The following FCRL2 variants were observed in gnomAD, a reference collection of about 807,000 sequenced individuals.
FCRL2 encodes the protein Fc receptor-like protein 2.
FCRL2 carries 48 observed loss-of-function variants against 59.8 expected under a neutral mutation model. The ratio of observed to expected loss-of-function variants is 0.80; its 90% CI spans 0.64 to 1.02. The LOEUF is 1.02. FCRL2 is among the 50% of genes least tolerant of loss of function. The pLI, the probability that FCRL2 is intolerant of heterozygous loss-of-function variation, is 0.00. For synonymous variants in FCRL2, 251 were observed against 229.5 expected, an observed-to-expected ratio of 1.09 and a Z score of -0.85; for missense variants, 658 against 597.3, an observed-to-expected ratio of 1.10 and a Z score of -1.06.
intron 7 of FCRL2, among the ~76,000 whole-genome samples, chr1:157,751,557 C>G (rs936770356): frequency 3.9e-5 from 6 of 152,200 alleles, no homozygotes; most frequent in African/African-American, 1.4e-4. Flanking sequence ...ATACGGTCAT[C>G]TGCCTGAGGC....
chr1:157,746,906 A>G lies in FCRL2; in HGVS notation c.1460-7T>C. 6.2e-7 allele frequency: 1 copy of G among 1,612,996 alleles called. No individual in the cohort carries two copies. Among genetic ancestry groups the G allele is most frequent in the Non-Finnish European group, 8.5e-7 (1 of 1,179,990 alleles). Reference sequence around the variant, plus strand: ...AGAAGTGTCCTGATGTTTGCTGTTAAGGAAAAAGTAATAGTTCTGAGCTCT... The same window carrying G: ...AGAAGTGTCCTGATGTTTGCTGTTAGGGAAAAAGTAATAGTTCTGAGCTCT... On this transcript the variant is annotated splice_region_variant and splice_polypyrimidine_tract_variant and intron_variant, in intron 10 of 11. Coordinates refer to ENST00000361516, the MANE Select transcript of FCRL2 (RefSeq NM_030764.4).
intron 7 of FCRL2, among the ~76,000 whole-genome samples, chr1:157,752,232 G>A (rs989915450): frequency 2.6e-5 from 4 of 152,210 alleles, no homozygotes; most frequent in African/African-American, 9.7e-5. Context: ...GTACCCAGTG[G>A]GAGGTAACTG....
chr1:157,775,125 T>C (rs764215803), intron 2 of FCRL2, among the ~76,000 whole-genome samples: 4 of 152,214 alleles, frequency 2.6e-5, no homozygotes, highest in Non-Finnish European at 5.9e-5. Flanking sequence ...TGGCAAATTA[T>C]GGCCTGTGAG....
chr1:157,747,696 A>G (rs1647855417), intron 10 of FCRL2, among the ~76,000 whole-genome samples: 1 of 152,202 alleles, frequency 6.6e-6, no homozygotes, highest in Non-Finnish European at 1.5e-5. Context: ...TGTTGATATA[A>G]GCATTGTAGT....
chr1:157,755,734 A>G (rs1358439148), intron 7 of FCRL2, among the ~76,000 whole-genome samples: 3 of 152,252 alleles, frequency 2.0e-5, no homozygotes, highest in Non-Finnish European at 4.4e-5. Context: ...CAGTTCTCAA[A>G]TAATATTCAT....
At chr1:157,774,087 G>C (rs1650229623) in intron 2 of FCRL2, among the ~76,000 whole-genome samples, 1 of 152,212 alleles carries the variant, frequency 6.6e-6, no homozygotes, top group African/African-American at 2.4e-5. Context: ...CTTTACCAGA[G>C]CAACAGCAAA....
intron 7 of FCRL2, among the ~76,000 whole-genome samples, chr1:157,758,397 TA>T (rs762443573): frequency 4.0e-5 from 6 of 151,588 alleles, no homozygotes; most frequent in Non-Finnish European, 7.4e-5. Flanking sequence ...AGGGAAAAAA[TA>T]CCTAGGAATA....
At chr1:157,757,850 T>C (rs1648720199) in intron 7 of FCRL2, among the ~76,000 whole-genome samples, 1 of 152,142 alleles carries the variant, frequency 6.6e-6, no homozygotes, top group Non-Finnish European at 1.5e-5. Context: ...CAGTCCCAGC[T>C]ACTGGGGAGG....
intron 4 of FCRL2, chr1:157,768,995 T>C (rs796646558): frequency 8.1e-5 from 24 of 297,986 alleles, no homozygotes; most frequent in African/African-American, 4.9e-4. Context: ...CAAAGACACC[T>C]TTTGCACAGA....
At chr1:157,751,079 A>G (rs1317864732) in intron 7 of FCRL2, among the ~76,000 whole-genome samples, 1 of 152,198 alleles carries the variant, frequency 6.6e-6, no homozygotes, top group African/African-American at 2.4e-5. Context: ...ATATATAAGA[A>G]AAAAAGGAAG....
At chr1:157,757,742 C>T (rs887900169) in intron 7 of FCRL2, among the ~76,000 whole-genome samples, 3 of 152,188 alleles carry the variant, frequency 2.0e-5, no homozygotes, top group African/African-American at 7.2e-5. Flanking sequence ...GCAGGTGAAT[C>T]ACGAGGTCAG....
Position 157,769,938 on chromosome 1 carries a change from A to G in FCRL2, c.523T>C (p.Tyr175His), listed in dbSNP as rs779281998. The G allele has an allele frequency of 3.2e-5, 52 of 1,613,936 alleles. No homozygotes were observed. Among genetic ancestry groups the G allele is most frequent in the Admixed American group, 1.0e-4 (6 of 59,992 alleles). ...SAVWSEDTGSYWCKAETVTHR... is the reference protein window; with the variant it reads ...SAVWSEDTGSHWCKAETVTHR... ...GTCACCGTTTCTGCCTTGCACCAGTAAGACCCTGTGTCTTCACTCCACACG... is the reference window on the plus strand; with the variant it reads ...GTCACCGTTTCTGCCTTGCACCAGTGAGACCCTGTGTCTTCACTCCACACG... Residue 175 changes from tyrosine (Y) to histidine (H), a missense_variant, in exon 4 of 12, where the codon TAC becomes CAC. Coordinates refer to ENST00000361516, the MANE Select transcript of FCRL2 (RefSeq NM_030764.4).
chr1:157,777,067 G>A lies in FCRL2; in HGVS notation c.7C>T (p.Leu3=). 2 of 1,614,126 alleles carry A rather than the reference G, an allele frequency of 1.2e-6. No individual in the cohort carries two copies. Among genetic ancestry groups the A allele is most frequent in the African/African-American group, 1.3e-5 (1 of 75,046 alleles). ...CCAAAGATGACCAGCAATGACCACA[G>A]CAGCATGAGGACCTAATCCAGCTAT... The part of the protein sequence containing the change: ML[L]WSLLVIFDAV... Residue 3 remains leucine (L), a synonymous_variant, in exon 1 of 12, where the codon CTG becomes TTG. Coordinates refer to ENST00000361516, the MANE Select transcript of FCRL2 (RefSeq NM_030764.4).
intron 7 of FCRL2, among the ~76,000 whole-genome samples, chr1:157,754,662 T>C (rs982816636): frequency 6.6e-6 from 1 of 151,894 alleles, no homozygotes; most frequent in Non-Finnish European, 1.5e-5. Flanking sequence ...TATAAAGTGA[T>C]ACAATTCTAG....
chr1:157,755,201 G>A (rs978809386), intron 7 of FCRL2, among the ~76,000 whole-genome samples: 5 of 152,072 alleles, frequency 3.3e-5, no homozygotes, highest in African/African-American at 1.2e-4. Context: ...AATACATTTA[G>A]TATAAACAGA....
intron 7 of FCRL2, among the ~76,000 whole-genome samples, chr1:157,752,793 T>C (rs1648302229): frequency 6.6e-6 from 1 of 152,118 alleles, no homozygotes; most frequent in South Asian, 2.1e-4. Context: ...GTAGACACAC[T>C]CTTGGATAGA....
intron 8 of FCRL2, among the ~76,000 whole-genome samples, 199 bp downstream of exon 8, chr1:157,749,451 C>G (rs1000749667): frequency 5.3e-5 from 8 of 151,964 alleles, no homozygotes; most frequent in Admixed American, 3.9e-4. Context: ...AAGATAACAC[C>G]AAGGATCATG....
intron 5 of FCRL2, 62 bp downstream of exon 5, chr1:157,768,352 A>G: frequency 1.3e-6 from 2 of 1,546,868 alleles, no homozygotes; most frequent in Non-Finnish European, 1.8e-6. Context: ...TCCTCAGGAC[A>G]CATGTGTATC....
At chr1:157,770,820 G>GA (rs1649957182) in intron 2 of FCRL2, among the ~76,000 whole-genome samples, 154 bp from the exon 3 acceptor site, 2 of 152,200 alleles carry the variant, frequency 1.3e-5, no homozygotes, top group Admixed American at 1.3e-4. Flanking sequence ...TTCATCCCAT[G>GA]TTTCCTGAGG....
Sources: gnomAD v4.1 joint callset for allele counts (sites outside exome capture counted in the v4.1 genomes callset) on GRCh38, gnomAD v4.1.1 for gene constraint, MANE v1.5 for transcripts, NCBI Gene and HGNC (gene_info 2026-07-23, HGNC 2026-07-21) for gene names.